SHANK2: variants seen among roughly 807,000 people sequenced by gnomAD.
The protein encoded by SHANK2 is SH3 and multiple ankyrin repeat domains 2.
Under a neutral mutation model 133.7 loss-of-function variants are expected in SHANK2, and 43 were observed. The observed-to-expected ratio is 0.32, with a 90% CI of 0.25 to 0.41. The LOEUF (loss-of-function observed/expected upper bound fraction) is 0.41. Ranked by LOEUF, SHANK2 falls within the 10% of genes least tolerant of loss-of-function variation. The pLI is 1.00. For missense variants in SHANK2, 1,994 were observed against 2,235.8 expected (o/e 0.89, Z 2.18); for synonymous variants, 1,017 against 952.8 (o/e 1.07, Z -1.24).
Position 70,792,996 on chromosome 11 carries a change from T to C in SHANK2, c.1777+5447A>G, listed in dbSNP as rs924849433. ...TTTGAGACTGGGAAGTCAAGGCATG[T>C]AATGAGCCCTGATGGCACCACTGCA... On this transcript the variant is annotated intron_variant, in intron 14 of 25. Transcript: ENST00000601538. Among the ~76,000 whole-genome samples the C allele has an allele frequency of 5.9e-5, 9 of 152,254 alleles. No homozygotes were observed. In the East Asian group the frequency reaches 1.7e-3, roughly 29 times the overall value.
At chr11:70,626,311 A>G (rs73523853) in intron 17 of SHANK2, among the ~76,000 whole-genome samples, 1,822 of 152,338 alleles carry the variant, frequency 0.012, 44 homozygotes, top group African/African-American at 0.042. Flanking sequence ...CGGTTATGAA[A>G]CAAACATATC....
At chr11:71,091,314 TGAACCA>T (rs1368278431) in intron 8 of SHANK2, among the ~76,000 whole-genome samples, 6 of 152,088 alleles carry the variant, frequency 3.9e-5, no homozygotes, top group Non-Finnish European at 8.8e-5. Flanking sequence ...GGGCCGACGA[TGAACCA>T]GAACTGACCT....
intron 11 of SHANK2, among the ~76,000 whole-genome samples, chr11:70,833,983 A>T (rs1346462977): frequency 2.0e-5 from 3 of 152,228 alleles, no homozygotes; most frequent in Non-Finnish European, 4.4e-5. Context: ...ATGAAGGCAC[A>T]AGGGCCAGCT....
chr11:71,070,242 G>T (rs1032995301), intron 9 of SHANK2, among the ~76,000 whole-genome samples: 5 of 152,294 alleles, frequency 3.3e-5, no homozygotes, highest in African/African-American at 9.6e-5. Flanking sequence ...GAGGGCATGA[G>T]GGAGGAGATT....
At chr11:70,880,059 C>T (rs190886479) in intron 11 of SHANK2, among the ~76,000 whole-genome samples, 5 of 152,310 alleles carry the variant, frequency 3.3e-5, no homozygotes, top group East Asian at 1.9e-4. Flanking sequence ...GCCCAGGGGC[C>T]GGTGCTGTGC....
At chr11:70,624,605 G>GC (rs138528335) in intron 17 of SHANK2, among the ~76,000 whole-genome samples, 35,643 of 151,804 alleles carry the variant, frequency 0.23, 5,102 homozygotes, top group Non-Finnish European at 0.33. Context: ...GGGTGATGGT[G>GC]CCCCCCCAAA....
In SHANK2 at chr11:70,807,592, G is replaced by A. The variant is rs1590704872; in HGVS notation, c.1494-421C>T. Among the ~76,000 whole-genome samples the A allele has an allele frequency of 6.6e-6, 1 of 152,162 alleles. No homozygotes were observed. Among genetic ancestry groups the A allele is most frequent in the Non-Finnish European group, 1.5e-5 (1 of 68,040 alleles). ...CATCTGTAATCCCAGCACTTTGGGAGGCTGAGGTGGGCAGACCACCTGAGA... is the reference window on the plus strand; with the variant it reads ...CATCTGTAATCCCAGCACTTTGGGAAGCTGAGGTGGGCAGACCACCTGAGA... On this transcript the variant is annotated intron_variant, in intron 12 of 25. Transcript: ENST00000601538. The surrounding 1 kb of genome is among the most constrained non-coding windows in gnomAD (Gnocchi z 4.8).
intron 14 of SHANK2, among the ~76,000 whole-genome samples, chr11:70,708,698 G>A (rs1460803948): frequency 6.6e-6 from 1 of 152,228 alleles, no homozygotes; most frequent in Non-Finnish European, 1.5e-5. Flanking sequence ...TTGGCTGGGA[G>A]CCGCTCCTCC....
At chr11:70,581,563 T>C (rs1018717832) in intron 17 of SHANK2, among the ~76,000 whole-genome samples, 3 of 152,142 alleles carry the variant, frequency 2.0e-5, no homozygotes, top group African/African-American at 7.2e-5. Context: ...TGGTGGCACG[T>C]GCCTGTAATC....
rs1591001857 is a variant in SHANK2, at chr11:71,188,291, A to G, written c.-13+36406T>C. On this transcript the variant is annotated intron_variant, in intron 2 of 25. Transcript: ENST00000601538. This position sits in a 1 kb window ranked among gnomAD's most constrained non-coding sequence, Gnocchi z 4.6. The stretch of plus-strand genomic sequence containing the variant: ...ACTGGAGCTGCCCACTCACCATCCT[A>G]CCCCCATCTGCCCAGCCCCTTCCAG... Among the ~76,000 whole-genome samples the G allele has an allele frequency of 6.6e-6, 1 of 150,794 alleles. No homozygotes were observed. Among genetic ancestry groups the G allele is most frequent in the Admixed American group, 6.6e-5 (1 of 15,136 alleles).
intron 10 of SHANK2, among the ~76,000 whole-genome samples, chr11:70,909,475 C>T (rs529707873): frequency 2.0e-5 from 3 of 152,310 alleles, no homozygotes; most frequent in South Asian, 4.1e-4. Flanking sequence ...TTACCCAACA[C>T]GACACGCAGC....
chr11:70,797,839 A>ACACT (rs1394152915), intron 14 of SHANK2, among the ~76,000 whole-genome samples: 12 of 150,540 alleles, frequency 8.0e-5, no homozygotes, highest in African/African-American at 2.9e-4. Context: ...TCATACACAC[A>ACACT]CACACACACA....
rs1182478195 is a variant in SHANK2, at chr11:70,569,849, A to C, written c.2062-66918T>G. 6.6e-6 allele frequency among the ~76,000 whole-genome samples: 1 copy of C among 152,102 alleles called. No homozygotes were observed. The highest frequency in any genetic ancestry group is 1.5e-5 in the Non-Finnish European group (1 of 68,028). Reference sequence around the variant, plus strand: ...CGGGAAAAGGCTGAGGCCGGCACAAAGAAGCAAGGGCAGGAGGTCAGTACG... The same window carrying C: ...CGGGAAAAGGCTGAGGCCGGCACAACGAAGCAAGGGCAGGAGGTCAGTACG... On this transcript the variant is annotated intron_variant, in intron 17 of 25. Coordinates refer to ENST00000601538, the MANE Select transcript of SHANK2 (RefSeq NM_012309.5). This position sits in a 1 kb window ranked among gnomAD's most constrained non-coding sequence, Gnocchi z 5.1.
At chr11:71,147,816 A>T (rs1555107079) in intron 2 of SHANK2, among the ~76,000 whole-genome samples, 1 of 152,162 alleles carries the variant, frequency 6.6e-6, no homozygotes, top group African/African-American at 2.4e-5. Flanking sequence ...CGCTATAATA[A>T]CCCTCTCTGC....
chr11:71,184,302 C>T (rs1263446030), intron 2 of SHANK2, among the ~76,000 whole-genome samples: 2 of 152,172 alleles, frequency 1.3e-5, no homozygotes, highest in Non-Finnish European at 2.9e-5. Context: ...CCACAAGCCT[C>T]GCTGGTCAAA....
At position 70,540,482 on chromosome 11, in the gene SHANK2, G is replaced by A. The variant is rs79073125; in HGVS notation, c.2062-37551C>T. ...TCATCCTACCACCTCCTCCCTGCCC[G>A]CGGGAGCCTGGGAGTCTCATGTCCA... On this transcript the variant is annotated intron_variant, in intron 17 of 25. Transcript: ENST00000601538. 9.7e-3 allele frequency among the ~76,000 whole-genome samples: 1,481 copies of A among 152,132 alleles called. 34 individuals carry two copies. Among genetic ancestry groups the A allele is most frequent in the African/African-American group, 0.034 (1,414 of 41,484 alleles).
chr11:70,861,589 C>G (rs967296636), intron 11 of SHANK2, among the ~76,000 whole-genome samples: 29 of 152,114 alleles, frequency 1.9e-4, no homozygotes, highest in Admixed American at 6.5e-5. Flanking sequence ...ATGCAAACAT[C>G]CATGTCAGAG....
chr11:70,588,821 C>T (rs2060285433), intron 17 of SHANK2, among the ~76,000 whole-genome samples: 1 of 152,188 alleles, frequency 6.6e-6, no homozygotes, highest in Non-Finnish European at 1.5e-5. Flanking sequence ...TGAGACAAGA[C>T]ATCCTTCTTT....
intron 13 of SHANK2, among the ~76,000 whole-genome samples, chr11:70,800,453 A>T (rs1303993659): frequency 6.6e-6 from 1 of 152,214 alleles, no homozygotes; most frequent in African/African-American, 2.4e-5. Flanking sequence ...TAAATTACTC[A>T]GGATCCAAAG....
Sources: gnomAD v4.1 joint callset for allele counts (sites outside exome capture counted in the v4.1 genomes callset) on GRCh38, gnomAD v4.1.1 for gene constraint, Gnocchi (gnomAD v3.1) non-coding constraint, MANE v1.5 for transcripts, NCBI Gene and HGNC (gene_info 2026-07-23, HGNC 2026-07-21) for gene names.